JAKMIP1: variants seen among roughly 807,000 people sequenced by gnomAD.
JAKMIP1 encodes the protein janus kinase and microtubule-interacting protein 1.
A neutral mutation model predicts 113.0 loss-of-function variants in JAKMIP1; 33 were observed. The observed-to-expected ratio is 0.29, with a 90% CI of 0.22 to 0.39. JAKMIP1 has a LOEUF of 0.39. JAKMIP1 is among the 10% of genes least tolerant of loss of function. The probability of loss-of-function intolerance (pLI) is 1.00; values close to 1 mark genes in which losing one functional copy is unlikely to be tolerated. For missense variants in JAKMIP1, 813 were observed against 1,080.5 expected (o/e 0.75, Z 3.47); for synonymous variants, 480 against 459.9 (o/e 1.04, Z -0.56).
chr4:6,148,174 A>C (rs1721087633), intron 1 of JAKMIP1, among the ~76,000 whole-genome samples: 1 of 152,164 alleles, frequency 6.6e-6, no homozygotes, highest in African/African-American at 2.4e-5. Flanking sequence ...CATACCTGCT[A>C]ACTGGACTCT....
At chr4:6,099,504 C>A (rs1712648358) in intron 3 of JAKMIP1, among the ~76,000 whole-genome samples, 1 of 152,154 alleles carries the variant, frequency 6.6e-6, no homozygotes, top group Non-Finnish European at 1.5e-5. Flanking sequence ...ACCACCCCCA[C>A]CCCATCCTTT....
chr4:6,101,981 CTGA>C (rs1679477725), intron 3 of JAKMIP1, among the ~76,000 whole-genome samples: 1 of 151,146 alleles, frequency 6.6e-6, no homozygotes, highest in African/African-American at 2.4e-5. Context: ...CATGGAAAAA[CTGA>C]TATCTATACT....
At position 6,158,965 on chromosome 4, in the gene JAKMIP1, T is replaced by G. The variant is rs1406343196; in HGVS notation, c.-148+41288A>C. ...TTAGCGGGGCATAGTGGCATGCACC[T>G]ATAGTCCCAGCTATTCAAGAGGCTG... On this transcript the variant is annotated intron_variant, in intron 1 of 20. Coordinates refer to ENST00000409021, the MANE Select transcript of JAKMIP1 (RefSeq NM_001099433.2). The surrounding 1 kb of genome is among the most constrained non-coding windows in gnomAD (Gnocchi z 5.3). Among the ~76,000 whole-genome samples, 2 of 151,968 alleles carry G rather than the reference T, an allele frequency of 1.3e-5. No individual in the cohort carries two copies. Among genetic ancestry groups the G allele is most frequent in the African/African-American group, 4.8e-5 (2 of 41,356 alleles).
rs956885579 is a variant in JAKMIP1, at chr4:6,179,348, C to G, written c.-148+20905G>C. 6.6e-6 allele frequency among the ~76,000 whole-genome samples: 1 copy of G among 152,180 alleles called. No individual in the cohort carries two copies. Among genetic ancestry groups the G allele is most frequent in the Non-Finnish European group, 1.5e-5 (1 of 68,036 alleles). On this transcript the variant is annotated intron_variant, in intron 1 of 20. Transcript: ENST00000409021. This position sits in a 1 kb window ranked among gnomAD's most constrained non-coding sequence, Gnocchi z 4.5. ...GAGAGGCTTAAAGAGGAACCTAAAG[C>G]ACCTGCTCAGGTGAGTACTCAGTAA...
In JAKMIP1 at chr4:6,094,222, C is replaced by A. The variant is rs967073481; in HGVS notation, c.625-8593G>T. 3.9e-5 allele frequency among the ~76,000 whole-genome samples: 6 copies of A among 152,240 alleles called. No individual in the cohort carries two copies. Among genetic ancestry groups the A allele is most frequent in the Non-Finnish European group, 7.3e-5 (5 of 68,048 alleles). On this transcript the variant is annotated intron_variant, in intron 3 of 20. Transcript: ENST00000409021. The surrounding 1 kb of genome is among the most constrained non-coding windows in gnomAD (Gnocchi z 4.2). ...AAAATAAAATCTCAAACAATCTGTG[C>A]TAGCCCTGGGTCTAGCTCACAGCAG...
rs1374391738 is a variant in JAKMIP1, at chr4:6,042,656, T to C, written c.2029-429A>G. The stretch of plus-strand genomic sequence containing the variant: ...CACCCCTATTTTGCAGGTAAAGACA[T>C]GGAGGCTGAGTTAAGTAACTTGTCC... On this transcript the variant is annotated intron_variant, in intron 16 of 20. Transcript: ENST00000409021. The surrounding 1 kb of genome is among the most constrained non-coding windows in gnomAD (Gnocchi z 5.2). Among the ~76,000 whole-genome samples, 1 of 151,942 alleles carries C rather than the reference T, an allele frequency of 6.6e-6. No homozygotes were observed. Among genetic ancestry groups the C allele is most frequent in the Non-Finnish European group, 1.5e-5 (1 of 67,994 alleles).
chr4:6,105,789 G>A lies in JAKMIP1; in HGVS notation c.308C>T (p.Ala103Val). 10 of 1,607,708 alleles carry A rather than the reference G, an allele frequency of 6.2e-6. No homozygotes were observed. The highest frequency in any genetic ancestry group is 8.5e-6 in the Non-Finnish European group (10 of 1,179,464). ...RQHEQEAART[A>V]KIKEGELQRL... The stretch of plus-strand genomic sequence containing the variant: ...CTGCAGCTCGCCCTCCTTGATCTTG[G>A]CGGTGCGCGCCGCCTCCTGCTCGTG... The change falls in exon 3 of 21, where the codon GCC becomes GTC. Residue 103 changes from alanine (A) to valine (V), a missense_variant. Ala to Val is a moderately conservative substitution (Grantham distance 64). This residue lies in a region of JAKMIP1 where 540 missense variants were observed against 653.9 expected (regional missense o/e 0.83). Coordinates refer to ENST00000409021, the MANE Select transcript of JAKMIP1 (RefSeq NM_001099433.2).
At chr4:6,152,626 A>T (rs1365892715) in intron 1 of JAKMIP1, among the ~76,000 whole-genome samples, 1 of 152,068 alleles carries the variant, frequency 6.6e-6, no homozygotes, top group Non-Finnish European at 1.5e-5. Context: ...CTTGCAGCAG[A>T]TCTTTGCAAT....
chr4:6,176,476 T>C lies in JAKMIP1; in HGVS notation c.-148+23777A>G, dbSNP rs1205282011. Among the ~76,000 whole-genome samples, 2 of 152,182 alleles carry C rather than the reference T, an allele frequency of 1.3e-5. No homozygotes were observed. The highest frequency in any genetic ancestry group is 2.9e-5 in the Non-Finnish European group (2 of 68,030). Reference sequence around the variant, plus strand: ...CAGCTGTATTGTACATTTTAATCTATTTACCAAGCTCCTCAGTACTCCTAC... The same window carrying C: ...CAGCTGTATTGTACATTTTAATCTACTTACCAAGCTCCTCAGTACTCCTAC... On this transcript the variant is annotated intron_variant, in intron 1 of 20. Transcript: ENST00000409021. This position sits in a 1 kb window ranked among gnomAD's most constrained non-coding sequence, Gnocchi z 5.5.
Position 6,086,221 on chromosome 4 carries a change from T to C in JAKMIP1, c.625-592A>G, listed in dbSNP as rs1169218345. Among the ~76,000 whole-genome samples the C allele has an allele frequency of 1.3e-5, 2 of 152,180 alleles. No individual in the cohort carries two copies. The highest frequency in any genetic ancestry group is 4.8e-5 in the African/African-American group (2 of 41,444). Reference sequence around the variant, plus strand: ...CTTCCCATGGTTTCTATCTTCTTTATAGACTGTCTTGCTCTGGCTCTCATT... The same window carrying C: ...CTTCCCATGGTTTCTATCTTCTTTACAGACTGTCTTGCTCTGGCTCTCATT... On this transcript the variant is annotated intron_variant, in intron 3 of 20. Transcript: ENST00000409021. The surrounding 1 kb of genome is among the most constrained non-coding windows in gnomAD (Gnocchi z 4.1).
At chr4:6,053,712 A>G in intron 13 of JAKMIP1, 1 of 1,053,482 alleles carries the variant, frequency 9.5e-7, no homozygotes, top group South Asian at 3.9e-5. Context: ...GCATGCAGGA[A>G]AGAAGTAGTT....
In JAKMIP1 at chr4:6,049,956, G is replaced by A; in HGVS notation, c.1909-84C>T. The stretch of plus-strand genomic sequence containing the variant: ...TTCTAGGGCCACGGCCTTTCCTCTG[G>A]ACAAGACACCGCGCTCTTTCTTTTC... On this transcript the variant is annotated intron_variant, in intron 14 of 20. Coordinates refer to ENST00000409021, the MANE Select transcript of JAKMIP1 (RefSeq NM_001099433.2). The surrounding 1 kb of genome is among the most constrained non-coding windows in gnomAD (Gnocchi z 7.0). 1.1e-6 allele frequency: 1 copy of A among 927,058 alleles called. No individual in the cohort carries two copies. The highest frequency in any genetic ancestry group is 2.4e-5 in the East Asian group (1 of 40,994). 57.4% of individuals were successfully genotyped at this position (927,058 alleles called of 1,614,324 possible).
intron 3 of JAKMIP1, among the ~76,000 whole-genome samples, chr4:6,104,756 C>G (rs1054913463): frequency 6.6e-6 from 1 of 152,228 alleles, no homozygotes; most frequent in Admixed American, 6.5e-5. Flanking sequence ...TGGGAGCTGT[C>G]ATTCTGCCTT....
At chr4:6,058,278 A>C (rs1323539407) in intron 11 of JAKMIP1, among the ~76,000 whole-genome samples, 11 of 152,240 alleles carry the variant, frequency 7.2e-5, no homozygotes, top group Non-Finnish European at 1.6e-4. Flanking sequence ...TAAGTGTTAA[A>C]AATAATAGTT....
At chr4:6,123,491 G>A (rs1716985029) in intron 1 of JAKMIP1, among the ~76,000 whole-genome samples, 1 of 152,206 alleles carries the variant, frequency 6.6e-6, no homozygotes, top group Admixed American at 6.5e-5. Flanking sequence ...AAAAGAGAGA[G>A]AGGAGATTAA....
chr4:6,182,711 G>A (rs1437810673), intron 1 of JAKMIP1, among the ~76,000 whole-genome samples: 1 of 152,354 alleles, frequency 6.6e-6, no homozygotes, highest in Non-Finnish European at 1.5e-5. Flanking sequence ...AGCATCAGGA[G>A]ATAAGGCCAC....
At position 6,142,371 on chromosome 4, in the gene JAKMIP1, G is replaced by T. The variant is rs1217589900; in HGVS notation, c.-147-29374C>A. On this transcript the variant is annotated intron_variant, in intron 1 of 20. Transcript: ENST00000409021. The surrounding 1 kb of genome is among the most constrained non-coding windows in gnomAD (Gnocchi z 5.5). ...GGGAGCTCTGTGCTTTAAAAGGGCA[G>T]TTTCTCGTGTTCTGTCCTTCCCGAG... Among the ~76,000 whole-genome samples, 1 of 152,174 alleles carries T rather than the reference G, an allele frequency of 6.6e-6. No individual in the cohort carries two copies. Among genetic ancestry groups the T allele is most frequent in the Non-Finnish European group, 1.5e-5 (1 of 68,028 alleles).
Position 6,138,879 on chromosome 4 carries a change from C to T in JAKMIP1, c.-147-25882G>A, listed in dbSNP as rs78673751. Among the ~76,000 whole-genome samples, 6,234 of 152,272 alleles carry T rather than the reference C, an allele frequency of 0.041. 151 individuals carry two copies. Among genetic ancestry groups the T allele is most frequent in the Non-Finnish European group, 0.05 (3,418 of 68,032 alleles). On this transcript the variant is annotated intron_variant, in intron 1 of 20. Transcript: ENST00000409021. The surrounding 1 kb of genome is among the most constrained non-coding windows in gnomAD (Gnocchi z 6.0). Reference sequence around the variant, plus strand: ...AAAGCGAATGCGCACAGAGCACTTTCAACAGAGCAAGGCCAGTTGGGCGCT... The same window carrying T: ...AAAGCGAATGCGCACAGAGCACTTTTAACAGAGCAAGGCCAGTTGGGCGCT...
At position 6,193,956 on chromosome 4, in the gene JAKMIP1, C is replaced by G. The variant is rs895356563; in HGVS notation, c.-148+6297G>C. On this transcript the variant is annotated intron_variant, in intron 1 of 20. Transcript: ENST00000409021. The surrounding 1 kb of genome is among the most constrained non-coding windows in gnomAD (Gnocchi z 6.4). ...GTATACGCACCATGGAATACTACTC[C>G]GCCATGAAGAAGAAGGAAGCAATGA... 6.6e-6 allele frequency among the ~76,000 whole-genome samples: 1 copy of G among 152,168 alleles called. No homozygotes were observed. The highest frequency in any genetic ancestry group is 1.5e-5 in the Non-Finnish European group (1 of 68,034).
Sources: allele counts gnomAD v4.1 joint callset (sites outside exome capture counted in the v4.1 genomes callset), GRCh38; gene constraint gnomAD v4.1.1; regional missense constraint gnomAD v4.1.1; non-coding constraint Gnocchi (gnomAD v3.1); transcripts MANE v1.5; gene names NCBI Gene and HGNC (gene_info 2026-07-23, HGNC 2026-07-21).